VAV3: variants seen among roughly 807,000 people sequenced by gnomAD.
VAV3 encodes vav guanine nucleotide exchange factor 3.
A neutral mutation model predicts 131.2 loss-of-function variants in VAV3; 94 were observed. That is an observed-to-expected ratio of 0.72 (90% CI 0.61 to 0.85). The LOEUF (loss-of-function observed/expected upper bound fraction) is 0.85, where lower values mean the gene tolerates loss of function less well. Among genes scored for constraint, VAV3 ranks in the 40% least tolerant of loss-of-function variants. The pLI, the probability that VAV3 is intolerant of heterozygous loss-of-function variation, is 0.00. For synonymous variants in VAV3, 349 were observed against 342.0 expected, an observed-to-expected ratio of 1.02 and a Z score of -0.22; for missense variants, 939 against 1,002.7, an observed-to-expected ratio of 0.94 and a Z score of 0.86.
intron 1 of VAV3, among the ~76,000 whole-genome samples, chr1:107,956,605 T>C (rs1296470511): frequency 6.6e-6 from 1 of 152,166 alleles, no homozygotes; most frequent in Non-Finnish European, 1.5e-5. Flanking sequence ...TATTCGATTA[T>C]AAATAAAACC....
chr1:107,636,431 A>G (rs2101451399), intron 20 of VAV3, among the ~76,000 whole-genome samples: 1 of 152,346 alleles, frequency 6.6e-6, no homozygotes, highest in East Asian at 1.9e-4. Flanking sequence ...TTGACTTATA[A>G]TGGGGTTATG....
At chr1:107,665,917 T>C (rs922261590) in intron 19 of VAV3, among the ~76,000 whole-genome samples, 9 of 152,148 alleles carry the variant, frequency 5.9e-5, no homozygotes, top group Non-Finnish European at 2.9e-5. Flanking sequence ...TGAAGGATAT[T>C]ATCTGTAAAT....
chr1:107,688,668 C>T (rs1659204237), intron 17 of VAV3: 4 of 816,216 alleles, frequency 4.9e-6, no homozygotes, highest in Non-Finnish European at 7.0e-6. Flanking sequence ...GTTTATTAAG[C>T]AATGTCAGTC....
At chr1:107,772,677 A>T in intron 5 of VAV3, 58 bp downstream of exon 5, 1 of 1,397,080 alleles carries the variant, frequency 7.2e-7, no homozygotes, top group Non-Finnish European at 1.0e-6. Flanking sequence ...TTATTATGTT[A>T]ATTAGCCTTT....
At chr1:107,945,551 C>T (rs1052345249) in intron 1 of VAV3, among the ~76,000 whole-genome samples, 3 of 152,156 alleles carry the variant, frequency 2.0e-5, no homozygotes, top group Admixed American at 1.3e-4. Flanking sequence ...CGTCCAGGCG[C>T]GGTGGCTCAT....
At chr1:107,772,927 A>G in intron 4 of VAV3, 84 bp from the exon 5 acceptor site, 1 of 1,160,616 alleles carries the variant, frequency 8.6e-7, no homozygotes, top group Non-Finnish European at 1.2e-6. Context: ...ATTTTAGTAA[A>G]AAATCCAGAA....
intron 19 of VAV3, chr1:107,669,417 A>G: frequency 7.8e-7 from 1 of 1,289,718 alleles, no homozygotes; most frequent in Non-Finnish European, 1.0e-6. Flanking sequence ...GGCTTTTTAC[A>G]ATGCTTCTAG....
At chr1:107,954,543 T>C (rs1674711032) in intron 1 of VAV3, among the ~76,000 whole-genome samples, 1 of 151,772 alleles carries the variant, frequency 6.6e-6, no homozygotes, top group African/African-American at 2.4e-5. Flanking sequence ...AATTTTTTTT[T>C]TTTTTTTTTT....
At chr1:107,868,182 C>T (rs1457822003) in intron 2 of VAV3, among the ~76,000 whole-genome samples, 2 of 152,084 alleles carry the variant, frequency 1.3e-5, no homozygotes, top group East Asian at 1.9e-4. Flanking sequence ...TGACATAAAG[C>T]CCAAAGATTT....
In VAV3 at chr1:107,787,211, C is replaced by T. The variant is rs72981424; in HGVS notation, c.322-7719G>A. Among the ~76,000 whole-genome samples the T allele has an allele frequency of 3.9e-3, 596 of 152,288 alleles. 2 individuals are homozygous for T. Among genetic ancestry groups the T allele is most frequent in the African/African-American group, 0.014 (573 of 41,556 alleles). ...CCCTTTTCTTCTGTCCTGGTTATTG[C>T]TCTTTCCACTTCACTACCCTTTCTA... On this transcript the variant is annotated intron_variant, in intron 2 of 26. Transcript: ENST00000370056.
At chr1:107,886,317 A>G (rs1671034215) in intron 1 of VAV3, among the ~76,000 whole-genome samples, 1 of 152,246 alleles carries the variant, frequency 6.6e-6, no homozygotes, top group Admixed American at 6.5e-5. Context: ...AGATGCCACA[A>G]ATAACCAAAG....
intron 15 of VAV3, among the ~76,000 whole-genome samples, chr1:107,726,570 G>C (rs967852571): frequency 3.3e-5 from 5 of 152,148 alleles, no homozygotes; most frequent in African/African-American, 4.8e-5. Context: ...CTAAAAGCTA[G>C]CAGTTATCAA....
intron 17 of VAV3, among the ~76,000 whole-genome samples, chr1:107,691,264 T>G (rs1412626707): frequency 1.3e-5 from 2 of 152,198 alleles, no homozygotes; most frequent in African/African-American, 4.8e-5. Flanking sequence ...AAAGTTTCAT[T>G]CTGGCTGAAA....
At chr1:107,874,133 A>AT (rs1670376411) in intron 2 of VAV3, among the ~76,000 whole-genome samples, 1 of 152,198 alleles carries the variant, frequency 6.6e-6, no homozygotes, top group African/African-American at 2.4e-5. Context: ...TAATGCAATT[A>AT]CATCAGCATA....
Position 107,789,411 on chromosome 1 carries a change from C to A in VAV3, c.322-9919G>T, listed in dbSNP as rs115485878. Among the ~76,000 whole-genome samples, 421 of 152,318 alleles carry A rather than the reference C, an allele frequency of 2.8e-3. 2 individuals are homozygous for A. The highest frequency in any genetic ancestry group is 9.4e-3 in the African/African-American group (389 of 41,574). On this transcript the variant is annotated intron_variant, in intron 2 of 26. Transcript: ENST00000370056. ...GATTTCCAGCCCAAAGATGCTCCAT[C>A]TTTTGTCCCAGCCTCAGGACTGCTC...
chr1:107,691,231 A>G (rs1176858164), intron 17 of VAV3, among the ~76,000 whole-genome samples: 1 of 152,204 alleles, frequency 6.6e-6, no homozygotes, highest in African/African-American at 2.4e-5. Flanking sequence ...TGCAACACTG[A>G]AAATACATAT....
chr1:107,637,939 G>C (rs569805616), intron 20 of VAV3, among the ~76,000 whole-genome samples: 1 of 152,142 alleles, frequency 6.6e-6, no homozygotes, highest in Admixed American at 6.6e-5. Flanking sequence ...CAAATTTGCC[G>C]CATTAATAAA....
chr1:107,646,603 C>A (rs114779991), intron 19 of VAV3, among the ~76,000 whole-genome samples: 7,581 of 152,052 alleles, frequency 0.05, 213 homozygotes, highest in Middle Eastern at 0.088. Context: ...CTTGTTTTAT[C>A]CCCTACAACA....
intron 1 of VAV3, among the ~76,000 whole-genome samples, chr1:107,959,757 A>T (rs970831296): frequency 6.6e-6 from 1 of 152,030 alleles, no homozygotes; most frequent in Non-Finnish European, 1.5e-5. Flanking sequence ...CTTTATACCT[A>T]CATCTCCAAC....
Sources: gnomAD v4.1 joint callset for allele counts (sites outside exome capture counted in the v4.1 genomes callset) on GRCh38, gnomAD v4.1.1 for gene constraint, MANE v1.5 for transcripts, NCBI Gene and HGNC (gene_info 2026-07-23, HGNC 2026-07-21) for gene names.